SNRPB2: variants seen among roughly 807,000 people sequenced by gnomAD.
SNRPB2 encodes the protein U2 small nuclear ribonucleoprotein B''.
Under a neutral mutation model 26.3 loss-of-function variants are expected in SNRPB2, and 16 were observed. The observed-to-expected ratio is 0.61, with a 90% CI of 0.41 to 0.92. The LOEUF (loss-of-function observed/expected upper bound fraction) is 0.92, where lower values mean the gene tolerates loss of function less well. SNRPB2 is among the 40% of genes least tolerant of loss of function. SNRPB2 has a pLI of 0.00. For synonymous variants in SNRPB2, 75 were observed against 89.0 expected, an observed-to-expected ratio of 0.84 and a Z score of 0.88; for missense variants, 179 against 268.1, an observed-to-expected ratio of 0.67 and a Z score of 2.32.
At chr20:16,730,540 C>CT (rs1027483989) in intron 1 of SNRPB2, 1 of 152,218 alleles carries the variant, frequency 6.6e-6, no homozygotes, top group Non-Finnish European at 1.5e-5. Flanking sequence ...AGTCACTTCC[C>CT]TTTCGTCGTC....
intron 5 of SNRPB2, 133 bp from the exon 6 acceptor site, chr20:16,740,192 T>C: frequency 6.8e-7 from 1 of 1,463,064 alleles, no homozygotes; most frequent in Non-Finnish European, 9.0e-7. Flanking sequence ...GCTTAGTTAC[T>C]GTAAGGTTTT....
At chr20:16,740,156 A>G (rs1568755575) in intron 5 of SNRPB2, among the ~76,000 whole-genome samples, 169 bp from the exon 6 acceptor site, 1 of 152,098 alleles carries the variant, frequency 6.6e-6, no homozygotes, top group Non-Finnish European at 1.5e-5. Context: ...CCAGACTTTC[A>G]GTGTCTTTAC....
chr20:16,732,834 T>G (rs1235539239), intron 3 of SNRPB2, among the ~76,000 whole-genome samples: 1 of 152,214 alleles, frequency 6.6e-6, no homozygotes, highest in East Asian at 1.9e-4. Context: ...TGGTTATGAA[T>G]GGAGAGTTTT....
At chr20:16,736,688 C>T (rs2072428349) in intron 3 of SNRPB2, among the ~76,000 whole-genome samples, 1 of 152,072 alleles carries the variant, frequency 6.6e-6, no homozygotes, top group African/African-American at 2.4e-5. Flanking sequence ...AAATTGCATC[C>T]CTAGGTGCTC....
chr20:16,733,042 T>C lies in SNRPB2; in HGVS notation c.237+706T>C, dbSNP rs185606581. ...ATGAGTGAATACACCATATCTTAGGTGTGGATTCCAAACTGCTTTTTTTCT... is the reference window on the plus strand; with the variant it reads ...ATGAGTGAATACACCATATCTTAGGCGTGGATTCCAAACTGCTTTTTTTCT... On this transcript the variant is annotated intron_variant, in intron 3 of 6. Coordinates refer to ENST00000246071, the MANE Select transcript of SNRPB2 (RefSeq NM_003092.5). Among the ~76,000 whole-genome samples, 129 of 152,256 alleles carry C rather than the reference T, an allele frequency of 8.5e-4. 1 individual carries two copies. The East Asian group carries it at 0.021, about 24-fold the overall frequency.
chr20:16,735,723 G>A (rs2423996), intron 3 of SNRPB2, among the ~76,000 whole-genome samples: 29,991 of 152,106 alleles, frequency 0.2, 3,300 homozygotes, highest in South Asian at 0.32. Flanking sequence ...GCCTCTTGGT[G>A]CCAGCATGAA....
intron 3 of SNRPB2, among the ~76,000 whole-genome samples, chr20:16,732,810 C>G (rs1399133795): frequency 6.6e-6 from 1 of 152,050 alleles, no homozygotes; most frequent in East Asian, 1.9e-4. Context: ...TTAGGAATAA[C>G]AATGGAAATG....
intron 1 of SNRPB2, chr20:16,730,546 T>C (rs899516961): frequency 2.0e-5 from 3 of 152,178 alleles, no homozygotes; most frequent in Non-Finnish European, 4.4e-5. Flanking sequence ...TTCCCTTTCG[T>C]CGTCTCCTTT....
At chr20:16,732,076 G>GA in intron 2 of SNRPB2, 88 bp from the exon 3 acceptor site, 1 of 770,778 alleles carries the variant, frequency 1.3e-6, no homozygotes, top group Non-Finnish European at 2.2e-6. Flanking sequence ...GTGAATGGTG[G>GA]GGGGGGCAAC....
At chr20:16,737,121 A>G (rs765752997) in intron 3 of SNRPB2, 140 bp from the exon 4 acceptor site, 8 of 571,840 alleles carry the variant, frequency 1.4e-5, no homozygotes, top group Non-Finnish European at 2.0e-5. Context: ...TTTGGCACTC[A>G]GTATATTCTG....
rs757458956 is a variant in SNRPB2 at position 16,731,681 on chromosome 20, T to A, written c.-22T>A. 1.2e-6 allele frequency: 2 copies of A among 1,611,074 alleles called. No individual in the cohort carries two copies. The highest frequency in any genetic ancestry group is 2.7e-5 in the African/African-American group (2 of 74,814). The stretch of plus-strand genomic sequence containing the variant: ...TTTTTATAACAGATTTTTTACTGTC[T>A]CCTGAAGAATTTAACACAAACATGG... On this transcript the variant is annotated 5_prime_UTR_variant, in exon 2 of 7. Coordinates refer to ENST00000246071, the MANE Select transcript of SNRPB2 (RefSeq NM_003092.5).
At chr20:16,740,250 A>C (rs1316790061) in intron 5 of SNRPB2, 75 bp from the exon 6 acceptor site, 1 of 1,581,766 alleles carries the variant, frequency 6.3e-7, no homozygotes, top group Non-Finnish European at 8.6e-7. Context: ...TGTTTGATAT[A>C]GTAAGATTTC....
At chr20:16,740,706 C>T in intron 6 of SNRPB2, 140 bp from the exon 7 acceptor site, 1 of 690,534 alleles carries the variant, frequency 1.4e-6, no homozygotes, top group Non-Finnish European at 2.4e-6. Context: ...ACACATGAGG[C>T]TCTTCCGTCT....
In SNRPB2 at chr20:16,734,702, A is replaced by T. The variant is rs114262235; in HGVS notation, c.237+2366A>T. On this transcript the variant is annotated intron_variant, in intron 3 of 6. Transcript: ENST00000246071. Reference sequence around the variant, plus strand: ...AGCATCCCTGGCCTCTACCCACAGGATGCCAGTAGCATAACAACGAGTAAT... The same window carrying T: ...AGCATCCCTGGCCTCTACCCACAGGTTGCCAGTAGCATAACAACGAGTAAT... 4.8e-3 allele frequency among the ~76,000 whole-genome samples: 738 copies of T among 152,290 alleles called. 8 individuals carry two copies. The highest frequency in any genetic ancestry group is 0.017 in the African/African-American group (700 of 41,560).
intron 3 of SNRPB2, among the ~76,000 whole-genome samples, chr20:16,733,172 C>T (rs961789404): frequency 5.3e-5 from 8 of 152,182 alleles, no homozygotes; most frequent in Admixed American, 2.6e-4. Context: ...GCTCTGTGCC[C>T]GTGGTTAGTT....
In SNRPB2 at chr20:16,737,383, A is replaced by G; in HGVS notation, c.360A>G (p.Thr120=). ...AKTVEQTATT[T]NKKPGQGTPN... is the part of the protein sequence containing the mutation. Reference sequence around the variant, plus strand: ...CTGTGGAACAGACTGCAACAACCACAAACAAAAAGCCTGGCCAGGTAAGAA... The same window carrying G: ...CTGTGGAACAGACTGCAACAACCACGAACAAAAAGCCTGGCCAGGTAAGAA... The change falls in exon 4 of 7, where the codon ACA becomes ACG. Residue 120 remains threonine (T), a synonymous_variant. Coordinates refer to ENST00000246071, the MANE Select transcript of SNRPB2 (RefSeq NM_003092.5). 6.3e-7 allele frequency: 1 copy of G among 1,588,106 alleles called. No individual in the cohort carries two copies. Among genetic ancestry groups the G allele is most frequent in the Non-Finnish European group, 8.5e-7 (1 of 1,173,766 alleles).
intron 3 of SNRPB2, 190 bp downstream of exon 3, chr20:16,732,526 A>C (rs913235339): frequency 2.6e-5 from 11 of 420,136 alleles, no homozygotes; most frequent in African/African-American, 1.9e-4. Flanking sequence ...GGGCAAAAAC[A>C]AAATACATTG....
intron 3 of SNRPB2, 26 bp downstream of exon 3, chr20:16,732,362 T>G (rs778195898): frequency 2.3e-6 from 3 of 1,318,678 alleles, no homozygotes; most frequent in Non-Finnish European, 3.2e-6. Context: ...TATTTCACTT[T>G]AATCAAGAAA....
rs528132677 is a variant in SNRPB2 at position 16,736,073 on chromosome 20, G to A, written c.238-1188G>A. Among the ~76,000 whole-genome samples the A allele has an allele frequency of 3.9e-5, 6 of 152,134 alleles. No individual in the cohort carries two copies. In the South Asian group the frequency reaches 6.2e-4, roughly 16 times the overall value. ...GCTTATAGCAGCTTTATTCCTAATC[G>A]CCAAAAACTGTAAACAAACCAAGTA... On this transcript the variant is annotated intron_variant, in intron 3 of 6. Coordinates refer to ENST00000246071, the MANE Select transcript of SNRPB2 (RefSeq NM_003092.5).
Sources: allele counts gnomAD v4.1 joint callset (sites outside exome capture counted in the v4.1 genomes callset), GRCh38; gene constraint gnomAD v4.1.1; transcripts MANE v1.5; gene names NCBI Gene and HGNC (gene_info 2026-07-23, HGNC 2026-07-21).